ROBO1: variants seen among roughly 807,000 people sequenced by gnomAD.
ROBO1 encodes roundabout guidance receptor 1.
ROBO1 carries 149 observed loss-of-function variants against 195.9 expected under a neutral mutation model. The ratio of observed to expected loss-of-function variants is 0.76; its 90% CI spans 0.67 to 0.87. The LOEUF is 0.87. Ranked by LOEUF, ROBO1 falls within the 40% of genes least tolerant of loss-of-function variation. The probability of loss-of-function intolerance (pLI) is 0.00; values close to 1 mark genes in which losing one functional copy is unlikely to be tolerated. For synonymous variants in ROBO1, 816 were observed against 733.2 expected, an observed-to-expected ratio of 1.11 and a Z score of -1.82; for missense variants, 1,933 against 2,068.3, an observed-to-expected ratio of 0.93 and a Z score of 1.27.
In ROBO1 at chr3:78,843,030, T is replaced by C. The variant is rs184079321; in HGVS notation, c.499+95571A>G. Reference sequence around the variant, plus strand: ...TTGAATACTATACAGCTCAATACGATTGAAGTTTATTATGCACTGATATCA... The same window carrying C: ...TTGAATACTATACAGCTCAATACGACTGAAGTTTATTATGCACTGATATCA... On this transcript the variant is annotated intron_variant, in intron 4 of 30. Transcript: ENST00000464233. 2.2e-4 allele frequency among the ~76,000 whole-genome samples: 34 copies of C among 152,198 alleles called. 1 individual carries two copies. Among genetic ancestry groups the C allele is most frequent in the African/African-American group, 7.5e-4 (31 of 41,566 alleles).
At chr3:78,841,669 C>G (rs1283922054) in intron 4 of ROBO1, among the ~76,000 whole-genome samples, 1 of 152,094 alleles carries the variant, frequency 6.6e-6, no homozygotes, top group African/African-American at 2.4e-5. Flanking sequence ...CCCCAATTTT[C>G]TGTACTGCAC....
intron 2 of ROBO1, among the ~76,000 whole-genome samples, chr3:79,568,713 A>C (rs562030853): frequency 1.6e-4 from 24 of 152,160 alleles, no homozygotes; most frequent in African/African-American, 5.3e-4. Context: ...TTTTCTACCC[A>C]AAAGCCTAGA....
At chr3:78,767,600 C>T (rs2083263268) in intron 4 of ROBO1, among the ~76,000 whole-genome samples, 1 of 152,144 alleles carries the variant, frequency 6.6e-6, no homozygotes, top group Admixed American at 6.5e-5. Flanking sequence ...TTCAATCTCA[C>T]TCCTTGTTGT....
At chr3:79,589,185 A>G (rs1273298926) in intron 2 of ROBO1, among the ~76,000 whole-genome samples, 3 of 151,678 alleles carry the variant, frequency 2.0e-5, no homozygotes, top group African/African-American at 7.2e-5. Flanking sequence ...ACATCAATAT[A>G]TTTTTGTATT....
In ROBO1 at chr3:78,651,759, TA is replaced by T; in HGVS notation, c.2784del (p.Thr929LeufsTer19). ...LYRHRKKRNGLTSTYAGIRKV... is the reference protein window; with the variant it reads ...LYRHRKKRNGXTSTYAGIRKV... ...TTTCTGATACCCGCGTAGGTACTAGTAAGTCCGTTTCTCTTCTTGCGGTGTC... is the reference window on the plus strand; with the variant it reads ...TTTCTGATACCCGCGTAGGTACTAGTAGTCCGTTTCTCTTCTTGCGGTGTC... On this transcript the variant is annotated frameshift_variant, in exon 19 of 31. Coordinates refer to ENST00000464233, the MANE Select transcript of ROBO1 (RefSeq NM_002941.4). LOFTEE classifies it high-confidence loss of function. The T allele has an allele frequency of 6.2e-7, 1 of 1,613,162 alleles. No individual in the cohort carries two copies. Among genetic ancestry groups the T allele is most frequent in the Non-Finnish European group, 8.5e-7 (1 of 1,179,476 alleles).
At chr3:79,410,934 G>T (rs1431459556) in intron 2 of ROBO1, among the ~76,000 whole-genome samples, 1 of 152,084 alleles carries the variant, frequency 6.6e-6, no homozygotes, top group African/African-American at 2.4e-5. Context: ...TTAGCAATTA[G>T]CTTCAAGCCT....
At chr3:79,457,131 G>T (rs1186044247) in intron 2 of ROBO1, among the ~76,000 whole-genome samples, 1 of 152,144 alleles carries the variant, frequency 6.6e-6, no homozygotes, top group Non-Finnish European at 1.5e-5. Context: ...GTAGGAAGCA[G>T]TTGATTTTAC....
intron 2 of ROBO1, among the ~76,000 whole-genome samples, chr3:79,434,164 T>C (rs1278789092): frequency 6.6e-6 from 1 of 152,188 alleles, no homozygotes; most frequent in East Asian, 1.9e-4. Flanking sequence ...GGGCAAGGAC[T>C]TCATGTCTAA....
chr3:79,724,396 C>G (rs1702824926), intron 1 of ROBO1, among the ~76,000 whole-genome samples: 1 of 152,208 alleles, frequency 6.6e-6, no homozygotes, highest in Admixed American at 6.5e-5. Flanking sequence ...GTGTTCCCAG[C>G]CTTGCATACT....
chr3:78,803,807 GA>G (rs1240506093), intron 4 of ROBO1, among the ~76,000 whole-genome samples: 1 of 152,032 alleles, frequency 6.6e-6, no homozygotes, highest in African/African-American at 2.4e-5. Context: ...AAGCAAAGGG[GA>G]TAAGGAAGAA....
At chr3:79,557,756 A>G (rs1942761753) in intron 2 of ROBO1, among the ~76,000 whole-genome samples, 1 of 145,872 alleles carries the variant, frequency 6.9e-6, no homozygotes, top group Admixed American at 6.9e-5. Context: ...ATATATATAT[A>G]TATATATATT....
chr3:79,333,414 A>G (rs894068972), intron 2 of ROBO1, among the ~76,000 whole-genome samples: 1 of 152,074 alleles, frequency 6.6e-6, no homozygotes, highest in African/African-American at 2.4e-5. Context: ...TCAATTATCA[A>G]GCATGTGTAA....
chr3:78,887,078 C>T (rs2036613453), intron 4 of ROBO1, among the ~76,000 whole-genome samples: 1 of 146,142 alleles, frequency 6.8e-6, no homozygotes, highest in Non-Finnish European at 1.5e-5. Flanking sequence ...TTTTGACCAC[C>T]TTATTATGTC....
In ROBO1 at chr3:79,683,186, C is replaced by T. The variant is rs1047102121; in HGVS notation, c.-51+84566G>A. Among the ~76,000 whole-genome samples, 5 of 151,878 alleles carry T rather than the reference C, an allele frequency of 3.3e-5. No homozygotes were observed. In the East Asian group the frequency reaches 9.7e-4, roughly 29 times the overall value. On this transcript the variant is annotated intron_variant, in intron 1 of 30. Coordinates refer to ENST00000464233, the MANE Select transcript of ROBO1 (RefSeq NM_002941.4). Reference sequence around the variant, plus strand: ...GGAAAAAACAATAGTTTAATGTCTCCAAATTTAAAGTGAATTTTGTTTGTT... The same window carrying T: ...GGAAAAAACAATAGTTTAATGTCTCTAAATTTAAAGTGAATTTTGTTTGTT...
intron 2 of ROBO1, among the ~76,000 whole-genome samples, chr3:79,470,529 GT>G (rs1288808288): frequency 4.6e-5 from 7 of 152,060 alleles, no homozygotes; most frequent in African/African-American, 7.2e-5. Context: ...ACTGTTAAAT[GT>G]TTTTAAGGGA....
chr3:79,322,102 T>A (rs1003596933), intron 2 of ROBO1, among the ~76,000 whole-genome samples: 1 of 152,224 alleles, frequency 6.6e-6, no homozygotes, highest in Non-Finnish European at 1.5e-5. Context: ...TTTGAACTAA[T>A]AGCTGCTGTG....
At chr3:79,738,804 C>T (rs1041759189) in intron 1 of ROBO1, among the ~76,000 whole-genome samples, 1 of 152,078 alleles carries the variant, frequency 6.6e-6, no homozygotes, top group Non-Finnish European at 1.5e-5. Flanking sequence ...AAGCAATCCC[C>T]GGCAGACTGC....
At chr3:79,733,151 A>T (rs7648364) in intron 1 of ROBO1, among the ~76,000 whole-genome samples, 4,897 of 152,098 alleles carry the variant, frequency 0.032, 240 homozygotes, top group African/African-American at 0.11. Flanking sequence ...TACACTTTTT[A>T]CCTCCTAAAA....
chr3:79,135,798 C>T lies in ROBO1; in HGVS notation c.89-10259G>A, dbSNP rs574222749. 1.2e-4 allele frequency among the ~76,000 whole-genome samples: 19 copies of T among 152,072 alleles called. No homozygotes were observed. The South Asian group carries it at 3.3e-3, about 27-fold the overall frequency. ...GACTGCAGGCATGTGGCACCACGCC[C>T]GGCTAATTTTGTATTTTTAGTAGAG... On this transcript the variant is annotated intron_variant, in intron 2 of 30. Transcript: ENST00000464233.
Sources: gnomAD v4.1 joint callset for allele counts (sites outside exome capture counted in the v4.1 genomes callset) on GRCh38, gnomAD v4.1.1 for gene constraint, MANE v1.5 for transcripts, NCBI Gene and HGNC (gene_info 2026-07-23, HGNC 2026-07-21) for gene names.